Variants in SLC25A42 observed in about 807,000 individuals in gnomAD.
SLC25A42 encodes the protein mitochondrial coenzyme A transporter SLC25A42.
A neutral mutation model predicts 34.7 loss-of-function variants in SLC25A42; 19 were observed. The observed-to-expected ratio is 0.55, with a 90% CI of 0.38 to 0.80. SLC25A42 has a LOEUF of 0.80. Ranked by LOEUF, SLC25A42 falls within the 30% of genes least tolerant of loss-of-function variation. The probability of loss-of-function intolerance (pLI) is 0.00; values close to 1 mark genes in which losing one functional copy is unlikely to be tolerated. For missense variants in SLC25A42, 364 were observed against 441.3 expected (o/e 0.82, Z 1.57); for synonymous variants, 205 against 191.2 (o/e 1.07, Z -0.59).
intron 2 of SLC25A42, among the ~76,000 whole-genome samples, chr19:19,100,193 T>G (rs1333657114): frequency 1.3e-5 from 2 of 151,828 alleles, no homozygotes; most frequent in African/African-American, 4.8e-5. Context: ...AATACAAAAA[T>G]TAGCCAGGCG....
In SLC25A42 at chr19:19,110,959, A is replaced by G. The variant is rs1599695545; in HGVS notation, c.*83A>G. The stretch of plus-strand genomic sequence containing the variant: ...ATGGAACGGTGGGGGGGTGCGCTTG[A>G]TTCTACTTCAGGAGGCACATGGGGC... On this transcript the variant is annotated 3_prime_UTR_variant, in exon 8 of 8. Coordinates refer to ENST00000318596, the MANE Select transcript of SLC25A42 (RefSeq NM_178526.5). The G allele has an allele frequency of 4.0e-6, 6 of 1,496,812 alleles. No homozygotes were observed. The South Asian group carries it at 7.3e-5, about 18-fold the overall frequency. The allele number at this position is 1,496,812 out of a possible 1,614,324, so 92.7% of individuals were successfully genotyped here. A position where few individuals can be genotyped will look rare whatever the true frequency, so the allele number is the denominator to read the frequency against.
chr19:19,071,262 C>T (rs1031229121), intron 1 of SLC25A42, among the ~76,000 whole-genome samples: 1 of 152,140 alleles, frequency 6.6e-6, no homozygotes, highest in African/African-American at 2.4e-5. Context: ...CCGCCTCATC[C>T]TCCCAAAGTG....
chr19:19,069,323 G>A (rs993369418), intron 1 of SLC25A42, among the ~76,000 whole-genome samples: 4 of 152,200 alleles, frequency 2.6e-5, no homozygotes, highest in Admixed American at 2.0e-4. Context: ...GCAGGCAAAT[G>A]GCTGAGGACA....
At chr19:19,068,678 TAAAAAC>T (rs1016016811) in intron 1 of SLC25A42, among the ~76,000 whole-genome samples, 15 of 126,734 alleles carry the variant, frequency 1.2e-4, no homozygotes, top group Non-Finnish European at 2.0e-4. Context: ...AAGAAAAAAA[TAAAAAC>T]AAAAATAGCC....
At chr19:19,091,030 C>T (rs2059735602) in intron 1 of SLC25A42, among the ~76,000 whole-genome samples, 1 of 152,220 alleles carries the variant, frequency 6.6e-6, no homozygotes, top group Non-Finnish European at 1.5e-5. Context: ...TCTGCTGTGA[C>T]AAAAGACAAA....
chr19:19,086,966 G>A (rs1176846349), intron 1 of SLC25A42, among the ~76,000 whole-genome samples: 1 of 152,068 alleles, frequency 6.6e-6, no homozygotes, highest in African/African-American at 2.4e-5. Context: ...TAGTTACCAT[G>A]TGTGTGGGGG....
Position 19,101,813 on chromosome 19 carries a change from G to C in SLC25A42, c.114G>C (p.Leu38=), listed in dbSNP as rs532906962. The C allele has an allele frequency of 7.4e-6, 12 of 1,613,924 alleles. No individual in the cohort carries two copies. The Admixed American group carries it at 8.3e-5, about 11-fold the overall frequency. Reference sequence around the variant, plus strand: ...ACAGGCAAGTGCTCAGCTCCCTGCTGTCTGGGGCCCTGGCTGGTGCCCTTG... The same window carrying C: ...ACAGGCAAGTGCTCAGCTCCCTGCTCTCTGGGGCCCTGGCTGGTGCCCTTG... ...RDHRQVLSSL[L]SGALAGALAK... is the part of the protein sequence containing the mutation. The change falls in exon 3 of 8, where the codon CTG becomes CTC. Residue 38 remains leucine, a synonymous_variant. Transcript: ENST00000318596.
intron 1 of SLC25A42, among the ~76,000 whole-genome samples, chr19:19,067,569 C>G (rs553996596): frequency 6.6e-6 from 1 of 152,246 alleles, no homozygotes; most frequent in South Asian, 2.1e-4. Flanking sequence ...GGCAACAGAG[C>G]AAGACCCTGT....
chr19:19,069,165 T>C (rs1302048545), intron 1 of SLC25A42, among the ~76,000 whole-genome samples: 1 of 152,222 alleles, frequency 6.6e-6, no homozygotes, highest in Non-Finnish European at 1.5e-5. Context: ...TTTTAAAATA[T>C]GCTTGTCAAC....
At chr19:19,072,334 T>C (rs1308969799) in intron 1 of SLC25A42, among the ~76,000 whole-genome samples, 1 of 152,206 alleles carries the variant, frequency 6.6e-6, no homozygotes, top group Non-Finnish European at 1.5e-5. Context: ...GTGAAGATGG[T>C]GACAGATGAG....
At position 19,095,844 on chromosome 19, in the gene SLC25A42, C is replaced by A. The variant is rs190394655; in HGVS notation, c.-34-247C>A. On this transcript the variant is annotated intron_variant, in intron 1 of 7. Coordinates refer to ENST00000318596, the MANE Select transcript of SLC25A42 (RefSeq NM_178526.5). ...TGGCTGGCTGCTTAACTTCTCTGAG[C>A]CTGTTTGCTCCCTGGGCACCAGATT... The A allele has an allele frequency of 4.6e-3, 2,398 of 521,306 alleles. 17 individuals carry two copies. Among genetic ancestry groups the A allele is most frequent in the Middle Eastern group, 0.032 (106 of 3,314 alleles). 32.3% of individuals were successfully genotyped at this position (521,306 alleles called of 1,614,324 possible).
chr19:19,086,237 G>A (rs761555395), intron 1 of SLC25A42, among the ~76,000 whole-genome samples: 3 of 152,046 alleles, frequency 2.0e-5, no homozygotes, highest in Non-Finnish European at 2.9e-5. Context: ...AGGTTCAAGC[G>A]TTTCTCCTGC....
rs10419475 is a variant in SLC25A42, at chr19:19,106,088, A to G, written c.381-181A>G. The G allele has an allele frequency of 1.4e-3, 822 of 592,376 alleles. 9 individuals carry two copies. In the African/African-American group the frequency reaches 0.014, roughly 10 times the overall value. 36.7% of individuals were successfully genotyped at this position (592,376 alleles called of 1,614,324 possible). ...AGGGAAGGCAGCCATGTAAACCTCA[A>G]AATGAGGCCCACTCCAGAGACCCCA... is the stretch of plus-strand genomic sequence containing the variant. On this transcript the variant is annotated intron_variant, in intron 5 of 7. Coordinates refer to ENST00000318596, the MANE Select transcript of SLC25A42 (RefSeq NM_178526.5).
At chr19:19,065,974 A>G (rs1480633330) in intron 1 of SLC25A42, among the ~76,000 whole-genome samples, 2 of 152,008 alleles carry the variant, frequency 1.3e-5, no homozygotes, top group African/African-American at 4.8e-5. Context: ...CTCCTACCTC[A>G]GCCTCCTGAG....
In SLC25A42 at chr19:19,111,147, T is replaced by C; in HGVS notation, c.*271T>C. The C allele has an allele frequency of 1.9e-6, 1 of 523,030 alleles. No homozygotes were observed. The highest frequency in any genetic ancestry group is 2.1e-5 in the South Asian group (1 of 46,950). The allele number at this position is 523,030 out of a possible 1,614,324, so 32.4% of individuals were successfully genotyped here. A position where few individuals can be genotyped will look rare whatever the true frequency, so the allele number is the denominator to read the frequency against. Reference sequence around the variant, plus strand: ...AGACGCTGGCGCTGTCTGCCGGAGGTGTTGCCCAAAAGGCCCTAGTGGGGC... The same window carrying C: ...AGACGCTGGCGCTGTCTGCCGGAGGCGTTGCCCAAAAGGCCCTAGTGGGGC... On this transcript the variant is annotated 3_prime_UTR_variant, in exon 8 of 8. Transcript: ENST00000318596.
chr19:19,106,175 G>A (rs576479029), intron 5 of SLC25A42, 94 bp from the exon 6 acceptor site: 5 of 1,072,582 alleles, frequency 4.7e-6, no homozygotes, highest in Non-Finnish European at 6.9e-6. Context: ...CCCTGTCCCC[G>A]CCCCAGCAGA....
chr19:19,109,693 A>G lies in SLC25A42; in HGVS notation c.650-876A>G, dbSNP rs562498566. Among the ~76,000 whole-genome samples, 1 of 152,258 alleles carries G rather than the reference A, an allele frequency of 6.6e-6. No homozygotes were observed. The highest frequency in any genetic ancestry group is 2.4e-5 in the African/African-American group (1 of 41,538). The stretch of plus-strand genomic sequence containing the variant: ...AGTGATCCGCCTGCCTTGGCCTCCC[A>G]AAGTGCTGAGATTACAGGCGTGAGT... On this transcript the variant is annotated intron_variant, in intron 7 of 7. Transcript: ENST00000318596. This position sits in a 1 kb window ranked among gnomAD's most constrained non-coding sequence, Gnocchi z 4.1.
In SLC25A42 at chr19:19,105,746, C is replaced by G. The variant is rs2059823078; in HGVS notation, c.380+19C>G. ...GTGGAGAGTGAGGCCCCGCCCCGCC[C>G]TGCCACAGAATCGCCCCGCCCACGC... is the stretch of plus-strand genomic sequence containing the variant. On this transcript the variant is annotated intron_variant, in intron 5 of 7. Transcript: ENST00000318596. The G allele has an allele frequency of 6.5e-7, 1 of 1,527,926 alleles. No individual in the cohort carries two copies. The allele number at this position is 1,527,926 out of a possible 1,614,324, so 94.6% of individuals were successfully genotyped here.
At chr19:19,067,021 CAAA>C (rs11419955) in intron 1 of SLC25A42, among the ~76,000 whole-genome samples, 9 of 115,660 alleles carry the variant, frequency 7.8e-5, no homozygotes, top group Admixed American at 1.9e-4. Flanking sequence ...GACCCTGTCT[CAAA>C]AAAAAAAAAA....
Sources: allele counts gnomAD v4.1 joint callset (sites outside exome capture counted in the v4.1 genomes callset), GRCh38; gene constraint gnomAD v4.1.1; non-coding constraint Gnocchi (gnomAD v3.1); transcripts MANE v1.5; gene names NCBI Gene and HGNC (gene_info 2026-07-23, HGNC 2026-07-21).